HUWE1: variants seen among roughly 807,000 people sequenced by gnomAD.
HUWE1 encodes the protein E3 ubiquitin-protein ligase HUWE1.
In HUWE1, 18 loss-of-function variants were observed where a neutral mutation model predicts 299.4. The observed-to-expected ratio is 0.06, with a 90% CI of 0.04 to 0.09. The LOEUF (loss-of-function observed/expected upper bound fraction) is 0.09, where lower values mean the gene tolerates loss of function less well. Ranked by LOEUF, HUWE1 falls within the 10% of genes least tolerant of loss-of-function variation. The pLI is 1.00. For synonymous variants in HUWE1, 1,317 were observed against 1,286.1 expected (o/e 1.02, Z -0.51); for missense variants, 1,832 against 3,462.3 (o/e 0.53, Z 11.82).
Position 53,552,628 on chromosome X carries a change from A to G in HUWE1, c.8750+10T>C. On this transcript the variant is annotated intron_variant, in intron 62 of 83. Coordinates refer to ENST00000262854, the MANE Select transcript of HUWE1 (RefSeq NM_031407.7). ...TATATCCTACCCTTCTTTTGCCCAC[A>G]CATGCTTACCTGTCCTCAGGTGGCT... 1 of 1,211,731 alleles carries G rather than the reference A, an allele frequency of 8.3e-7. No homozygotes were observed. The highest frequency in any genetic ancestry group is 1.1e-6 in the Non-Finnish European group (1 of 895,541).
chrX:53,573,970 G>C lies in HUWE1; in HGVS notation c.6098-6C>G. On this transcript the variant is annotated splice_polypyrimidine_tract_variant and splice_region_variant and intron_variant, in intron 46 of 83. Coordinates refer to ENST00000262854, the MANE Select transcript of HUWE1 (RefSeq NM_031407.7). ...AGACTCCTCTGGAGTTGAAGCTGTT[G>C]AGAAAAGTCAAACACTGGTTCAATT... is the stretch of plus-strand genomic sequence containing the variant. 8.4e-7 allele frequency: 1 copy of C among 1,195,837 alleles called. No homozygotes were observed. The highest frequency in any genetic ancestry group is 1.1e-6 in the Non-Finnish European group (1 of 881,922).
In HUWE1 at chrX:53,568,814, G is replaced by A. The variant is rs1556948034; in HGVS notation, c.6585C>T (p.Ser2195=). Residue 2195 remains serine (S), a synonymous_variant, in exon 49 of 84, where the codon AGC becomes AGT. Transcript: ENST00000262854. ...TCTTCGCTGTGGCACTGCTGTAGAA[G>A]CTGGAGGTGGAGGGGCAGGACTCCA... ...TIMESCPSTS[S]FYSSATAKTQ... 2 of 1,209,060 alleles carry A rather than the reference G, an allele frequency of 1.7e-6. No homozygotes were observed. Among genetic ancestry groups the A allele is most frequent in the Admixed American group, 2.2e-5 (1 of 45,898 alleles).
At chrX:53,620,763 C>A (rs1397246039) in intron 19 of HUWE1, among the ~76,000 whole-genome samples, 19 of 111,378 alleles carry the variant, frequency 1.7e-4, no homozygotes, top group African/African-American at 6.2e-4. Context: ...TCTATAATAC[C>A]CAAACAGAAT....
At chrX:53,619,151 A>G (rs1013022403) in intron 19 of HUWE1, among the ~76,000 whole-genome samples, 5 of 111,411 alleles carry the variant, frequency 4.5e-5, no homozygotes, top group Non-Finnish European at 9.4e-5. Flanking sequence ...TTTATCCCAA[A>G]TGCTAGGGGA....
chrX:53,540,344 T>C (rs1291170470), intron 74 of HUWE1, among the ~76,000 whole-genome samples: 28 of 110,284 alleles, frequency 2.5e-4, no homozygotes, highest in African/African-American at 7.9e-4. Context: ...TTTTTTTTTT[T>C]CCCTGAGACA....
At chrX:53,548,319 G>C in intron 67 of HUWE1, 46 bp from the exon 68 acceptor site, 1 of 1,188,292 alleles carries the variant, frequency 8.4e-7, no homozygotes, top group Non-Finnish European at 1.1e-6. Context: ...CGTCTTCACA[G>C]AGGATGAGCC....
rs782694197 is a variant in HUWE1 at position 53,573,769 on chromosome X, T to A, written c.6293A>T (p.Gln2098Leu). 36 of 1,206,156 alleles carry A rather than the reference T, an allele frequency of 3.0e-5. No individual in the cohort carries two copies. The highest frequency in any genetic ancestry group is 4.0e-5 in the Non-Finnish European group (36 of 891,258). ...LIANYSYTVG[Q>L]SELIKEDCSV... Reference sequence around the variant, plus strand: ...TATTACCTCTTTGATCAGTTCAGACTGGCCCACAGTGTAGCTGTAGTTGGC... The same window carrying A: ...TATTACCTCTTTGATCAGTTCAGACAGGCCCACAGTGTAGCTGTAGTTGGC... Residue 2098 changes from glutamine to leucine, a missense_variant, in exon 47 of 84, where the codon CAG becomes CTG. Physicochemically the swap from Gln to Leu is moderately radical, Grantham distance 113. Transcript: ENST00000262854.
At chrX:53,646,573 T>C (rs1219582946) in intron 6 of HUWE1, among the ~76,000 whole-genome samples, 1 of 112,081 alleles carries the variant, frequency 8.9e-6, no homozygotes, top group African/African-American at 3.2e-5. Flanking sequence ...AGTTGCCAAT[T>C]ATACCGAAGG....
At chrX:53,610,924 C>T (rs781943736) in intron 23 of HUWE1, among the ~76,000 whole-genome samples, 3 of 111,104 alleles carry the variant, frequency 2.7e-5, no homozygotes, top group Non-Finnish European at 3.8e-5. Context: ...CAACTACAAA[C>T]CCTGGTTACT....
intron 33 of HUWE1, 30 bp downstream of exon 33, chrX:53,592,368 G>T (rs1556979826): frequency 2.0e-5 from 22 of 1,085,869 alleles, no homozygotes; most frequent in Non-Finnish European, 2.7e-5. Context: ...TGCAAAGTCT[G>T]GACCCTGGAG....
chrX:53,623,978 GATA>G (rs1330599567), intron 19 of HUWE1, among the ~76,000 whole-genome samples: 3 of 112,385 alleles, frequency 2.7e-5, no homozygotes, highest in East Asian at 5.6e-4. Flanking sequence ...CAAAATGTAT[GATA>G]ATGTTACTTA....
Position 53,539,533 on chromosome X carries a change from T to C in HUWE1, c.11632+124A>G, listed in dbSNP as rs2061245491. On this transcript the variant is annotated intron_variant, in intron 75 of 83. Transcript: ENST00000262854. ...AAGTCAGAGAAAAAACACTTCTCTT[T>C]TGAATTCTCATTACAGAGACACTGA... 9.1e-6 allele frequency: 6 copies of C among 661,501 alleles called. No homozygotes were observed. In the East Asian group the frequency reaches 2.0e-4, roughly 22 times the overall value. The allele number at this position is 661,501 out of a possible 1,213,427, so 54.5% of individuals were successfully genotyped here.
intron 24 of HUWE1, among the ~76,000 whole-genome samples, chrX:53,608,068 C>A (rs782616246): frequency 1.8e-5 from 2 of 112,072 alleles, no homozygotes; most frequent in Admixed American, 1.9e-4. Context: ...TGGAAAATTT[C>A]CCCCAAATGT....
intron 3 of HUWE1, among the ~76,000 whole-genome samples, chrX:53,678,878 A>G (rs1557052040): frequency 8.9e-6 from 1 of 112,492 alleles, no homozygotes; most frequent in African/African-American, 3.2e-5. Flanking sequence ...CAGGAGGCCT[A>G]CTTTTCATGT....
At chrX:53,538,064 C>A (rs2061145274) in intron 77 of HUWE1, among the ~76,000 whole-genome samples, 1 of 111,739 alleles carries the variant, frequency 8.9e-6, no homozygotes, top group Non-Finnish European at 1.9e-5. Flanking sequence ...TCCTGTACTA[C>A]CCCCAACGGA....
intron 7 of HUWE1, among the ~76,000 whole-genome samples, chrX:53,640,633 A>C (rs375673677): frequency 1.3e-4 from 15 of 111,668 alleles, no homozygotes; most frequent in African/African-American, 4.9e-4. Context: ...ATTAACCTCC[A>C]ATCTACAATC....
chrX:53,670,940 G>A (rs1373415139), intron 3 of HUWE1, among the ~76,000 whole-genome samples: 1 of 112,390 alleles, frequency 8.9e-6, no homozygotes, highest in Non-Finnish European at 1.9e-5. Flanking sequence ...TTATCCTGAT[G>A]TGCTACAATA....
Position 53,600,283 on chromosome X carries a change from T to G in HUWE1, c.2998A>C (p.Ser1000Arg). 8.3e-7 allele frequency: 1 copy of G among 1,208,082 alleles called. No homozygotes were observed. Residue 1000 changes from serine to arginine, a missense_variant, in exon 29 of 84, where the codon AGT becomes CGT. This residue lies in a region of HUWE1 where 658 missense variants were observed against 1,282.6 expected (regional missense o/e 0.51). Coordinates refer to ENST00000262854, the MANE Select transcript of HUWE1 (RefSeq NM_031407.7). Reference protein sequence around the residue: ...SDGEQDGAAGSMDASTQGLLE... With the variant: ...SDGEQDGAAGRMDASTQGLLE... ...AAGCCCTGGGTAGAAGCATCCATACTTCCAGCTGCTCCATCCTGTTCCCCA... is the reference window on the plus strand; with the variant it reads ...AAGCCCTGGGTAGAAGCATCCATACGTCCAGCTGCTCCATCCTGTTCCCCA...
intron 2 of HUWE1, among the ~76,000 whole-genome samples, chrX:53,682,684 T>G (rs925807540): frequency 9.1e-6 from 1 of 110,189 alleles, no homozygotes; most frequent in Non-Finnish European, 1.9e-5. Flanking sequence ...GATTAAGAAG[T>G]GAGAAGCAGG....
Sources: gnomAD v4.1 joint callset for allele counts (sites outside exome capture counted in the v4.1 genomes callset) on GRCh38, gnomAD v4.1.1 for gene constraint, gnomAD v4.1.1 regional missense constraint, MANE v1.5 for transcripts, NCBI Gene and HGNC (gene_info 2026-07-23, HGNC 2026-07-21) for gene names.